The following SPECC1L variants were observed in gnomAD, a reference collection of about 807,000 sequenced individuals.
The protein encoded by SPECC1L is cytospin-A.
SPECC1L carries 40 observed loss-of-function variants against 116.8 expected under a neutral mutation model. That is an observed-to-expected ratio of 0.34 (90% confidence interval 0.27 to 0.45). SPECC1L has a LOEUF of 0.45. Ranked by LOEUF, SPECC1L falls within the 20% of genes least tolerant of loss-of-function variation. The probability of loss-of-function intolerance (pLI) is 1.00; values close to 1 mark genes in which losing one functional copy is unlikely to be tolerated. For synonymous variants in SPECC1L, 504 were observed against 500.6 expected, an observed-to-expected ratio of 1.01 and a Z score of -0.09; for missense variants, 1,110 against 1,373.6, an observed-to-expected ratio of 0.81 and a Z score of 3.03.
At chr22:24,272,227 A>G (rs920526922) in intron 1 of SPECC1L, among the ~76,000 whole-genome samples, 1 of 151,938 alleles carries the variant, frequency 6.6e-6, no homozygotes, top group African/African-American at 2.4e-5. Flanking sequence ...CTAAAAATAC[A>G]AAAAGCGCGC....
intron 2 of SPECC1L, among the ~76,000 whole-genome samples, chr22:24,294,634 C>G (rs535320967): frequency 6.6e-6 from 1 of 151,988 alleles, no homozygotes; most frequent in Non-Finnish European, 1.5e-5. Flanking sequence ...CCACCTGCCT[C>G]GGCCTCCCAA....
intron 14 of SPECC1L, among the ~76,000 whole-genome samples, chr22:24,402,303 G>C (rs1164816651): frequency 6.6e-6 from 1 of 151,996 alleles, no homozygotes; most frequent in East Asian, 1.9e-4. Flanking sequence ...GCCCCAGGCA[G>C]GTGCCCATTC....
chr22:24,323,296 G>A (rs1569421183), intron 5 of SPECC1L, among the ~76,000 whole-genome samples: 1 of 152,184 alleles, frequency 6.6e-6, no homozygotes, highest in Non-Finnish European at 1.5e-5. Context: ...ATTCCAGTCT[G>A]TAGCATCAGC....
chr22:24,273,248 C>T (rs1388736082), intron 1 of SPECC1L, among the ~76,000 whole-genome samples: 1 of 152,158 alleles, frequency 6.6e-6, no homozygotes, highest in Non-Finnish European at 1.5e-5. Context: ...ATCAAAATTA[C>T]TATCATATAC....
At chr22:24,388,982 G>T (rs534411487) in intron 14 of SPECC1L, among the ~76,000 whole-genome samples, 1 of 152,016 alleles carries the variant, frequency 6.6e-6, no homozygotes, top group Non-Finnish European at 1.5e-5. Flanking sequence ...CCATGGGTTT[G>T]CCTGTCCCAG....
intron 14 of SPECC1L, among the ~76,000 whole-genome samples, chr22:24,377,361 C>G (rs1046777983): frequency 1.9e-4 from 29 of 152,226 alleles, no homozygotes; most frequent in African/African-American, 6.5e-4. Flanking sequence ...AGGCTGGTCT[C>G]AAGTGATCTT....
Position 24,354,033 on chromosome 22 carries a change from G to A in SPECC1L, c.2743+6857G>A, listed in dbSNP as rs2041477734. 2.0e-5 allele frequency among the ~76,000 whole-genome samples: 3 copies of A among 152,222 alleles called. No individual in the cohort carries two copies. In the South Asian group the frequency reaches 6.2e-4, roughly 32 times the overall value. ...GCCTCAGGAAGCTTACAGTCATGGT[G>A]GAAGGCAAATCAATAGCAGGAATGT... On this transcript the variant is annotated intron_variant, in intron 11 of 16. Transcript: ENST00000314328.
At chr22:24,293,554 C>T (rs1440002917) in intron 2 of SPECC1L, among the ~76,000 whole-genome samples, 2 of 152,180 alleles carry the variant, frequency 1.3e-5, no homozygotes, top group African/African-American at 4.8e-5. Flanking sequence ...TTATTATGAG[C>T]CTCTGGAAGC....
At chr22:24,351,601 A>G (rs2041425036) in intron 11 of SPECC1L, among the ~76,000 whole-genome samples, 1 of 152,178 alleles carries the variant, frequency 6.6e-6, no homozygotes, top group African/African-American at 2.4e-5. Context: ...GAAAGGAAAC[A>G]CACTTAGATG....
chr22:24,329,759 T>C (rs551512157), intron 7 of SPECC1L, among the ~76,000 whole-genome samples: 3 of 152,338 alleles, frequency 2.0e-5, no homozygotes, highest in African/African-American at 7.2e-5. Flanking sequence ...ATATTGAGTT[T>C]AGTGTTTTTC....
intron 14 of SPECC1L, among the ~76,000 whole-genome samples, chr22:24,392,265 G>A (rs1044538500): frequency 1.6e-4 from 25 of 152,218 alleles, no homozygotes; most frequent in Admixed American, 1.5e-3. Context: ...TTCAAGAGCT[G>A]CCTAATTATT....
At chr22:24,373,297 A>G (rs181844113) in intron 14 of SPECC1L, among the ~76,000 whole-genome samples, 2 of 152,374 alleles carry the variant, frequency 1.3e-5, no homozygotes, top group South Asian at 2.1e-4. Context: ...TATGGAACCA[A>G]AAAAGGCCTG....
At chr22:24,396,532 A>C (rs1488357746) in intron 14 of SPECC1L, among the ~76,000 whole-genome samples, 1 of 152,096 alleles carries the variant, frequency 6.6e-6, no homozygotes, top group Non-Finnish European at 1.5e-5. Context: ...TCCTGACCTC[A>C]GGTAATTCAC....
intron 3 of SPECC1L, among the ~76,000 whole-genome samples, chr22:24,305,724 A>G (rs550172578): frequency 1.3e-5 from 2 of 152,210 alleles, no homozygotes; most frequent in Admixed American, 6.5e-5. Context: ...GAGTATACCT[A>G]TGTTCAGCTT....
intron 1 of SPECC1L, among the ~76,000 whole-genome samples, chr22:24,273,360 T>A (rs892142725): frequency 1.3e-5 from 2 of 152,226 alleles, no homozygotes; most frequent in Non-Finnish European, 2.9e-5. Flanking sequence ...GGGAGTCTTT[T>A]ATACAATTCA....
intron 11 of SPECC1L, among the ~76,000 whole-genome samples, chr22:24,348,249 G>C (rs2041345048): frequency 6.6e-6 from 1 of 152,194 alleles, no homozygotes; most frequent in Non-Finnish European, 1.5e-5. Flanking sequence ...ATTCTTGGTT[G>C]TGCATGTTAG....
At chr22:24,317,339 G>A (rs1418505045) in intron 4 of SPECC1L, among the ~76,000 whole-genome samples, 1 of 123,418 alleles carries the variant, frequency 8.1e-6, no homozygotes, top group Non-Finnish European at 1.8e-5. Context: ...CCTCCCGGAC[G>A]GGGCGGCTGG....
At chr22:24,383,679 C>T (rs5760383) in intron 14 of SPECC1L, among the ~76,000 whole-genome samples, 2 of 151,318 alleles carry the variant, frequency 1.3e-5, no homozygotes, top group African/African-American at 4.9e-5. Flanking sequence ...TTTCATTCTT[C>T]TTGCCTGAGT....
At chr22:24,289,740 C>G (rs2049121665) in intron 2 of SPECC1L, among the ~76,000 whole-genome samples, 1 of 148,290 alleles carries the variant, frequency 6.7e-6, no homozygotes, top group South Asian at 2.1e-4. Flanking sequence ...TGTGGTTGGT[C>G]TAGCATCCTA....
Sources: gnomAD v4.1 joint callset for allele counts (sites outside exome capture counted in the v4.1 genomes callset) on GRCh38, gnomAD v4.1.1 for gene constraint, MANE v1.5 for transcripts, NCBI Gene and HGNC (gene_info 2026-07-23, HGNC 2026-07-21) for gene names.